The following PEX7 variants were observed in gnomAD, a reference collection of about 807,000 sequenced individuals.
PEX7 encodes PTS2 receptor.
Under a neutral mutation model 47.5 loss-of-function variants are expected in PEX7, and 34 were observed. The observed-to-expected ratio is 0.72, with a 90% CI of 0.54 to 0.95. The LOEUF is 0.95. Ranked by LOEUF, PEX7 falls within the 40% of genes least tolerant of loss-of-function variation. PEX7 has a pLI of 0.00. For synonymous variants in PEX7, 141 were observed against 148.8 expected (o/e 0.95, Z 0.38); for missense variants, 394 against 400.3 (o/e 0.98, Z 0.13).
chr6:136,831,723 C>T (rs1406378025), intron 3 of PEX7, among the ~76,000 whole-genome samples: 1 of 152,270 alleles, frequency 6.6e-6, no homozygotes, highest in Admixed American at 6.5e-5. Flanking sequence ...AAAGGGGCCA[C>T]AGGCCCCATG....
rs747201722 is a variant in PEX7 at position 136,825,290 on chromosome 6, T to C, written c.188+19T>C. 5 of 1,586,812 alleles carry C rather than the reference T, an allele frequency of 3.2e-6. No individual in the cohort carries two copies. The highest frequency in any genetic ancestry group is 1.1e-5 in the South Asian group (1 of 90,564). On this transcript the variant is annotated intron_variant, in intron 2 of 9. Coordinates refer to ENST00000318471, the MANE Select transcript of PEX7 (RefSeq NM_000288.4). ...TTAGAAGGTAAGGGGGCTGAAATTATTAAAGGTATATATTGTTGCTATTAA... is the reference window on the plus strand; with the variant it reads ...TTAGAAGGTAAGGGGGCTGAAATTACTAAAGGTATATATTGTTGCTATTAA...
intron 8 of PEX7, among the ~76,000 whole-genome samples, chr6:136,891,030 T>G (rs1450165010): frequency 1.3e-5 from 2 of 152,258 alleles, no homozygotes; most frequent in African/African-American, 2.4e-5. Flanking sequence ...ATTCTTTGAT[T>G]TGTACCAGTA....
chr6:136,824,380 T>G (rs889760357), intron 1 of PEX7, among the ~76,000 whole-genome samples: 2 of 152,084 alleles, frequency 1.3e-5, no homozygotes, highest in South Asian at 2.1e-4. Flanking sequence ...TTTGATTTTT[T>G]ATTTTTGTAG....
At chr6:136,825,838 A>T (rs1282864397) in intron 2 of PEX7, among the ~76,000 whole-genome samples, 2 of 151,914 alleles carry the variant, frequency 1.3e-5, no homozygotes, top group African/African-American at 2.4e-5. Context: ...CAGCCTAAAA[A>T]TTTTTTTAAT....
At chr6:136,866,062 A>G (rs1015667151) in intron 5 of PEX7, among the ~76,000 whole-genome samples, 7 of 151,410 alleles carry the variant, frequency 4.6e-5, no homozygotes, top group African/African-American at 1.7e-4. Flanking sequence ...CAGCCTGGCG[A>G]CAGAGTGAGA....
At chr6:136,827,721 C>T (rs577846799) in intron 3 of PEX7, among the ~76,000 whole-genome samples, 18 of 151,664 alleles carry the variant, frequency 1.2e-4, no homozygotes, top group African/African-American at 2.7e-4. Context: ...TTAGTAGAGA[C>T]GGGTTTCACC....
At position 136,822,793 on chromosome 6, in the gene PEX7, C is replaced by T. The variant is rs780369944; in HGVS notation, c.128C>T (p.Ala43Val). 1.0e-4 allele frequency: 133 copies of T among 1,316,912 alleles called. No individual in the cohort carries two copies. The African/African-American group carries it at 1.4e-3, about 14-fold the overall frequency. 81.6% of individuals were successfully genotyped at this position (1,316,912 alleles called of 1,614,324 possible). Residue 43 changes from alanine to valine, a missense_variant and splice_region_variant, in exon 1 of 10, where the codon GCG becomes GTG. By Grantham distance (64) the Ala-to-Val change is moderately conservative (BLOSUM62 0). Transcript: ENST00000318471. ...ACATAQHYGIAGCGTLLILDP... is the reference protein window; with the variant it reads ...ACATAQHYGIVGCGTLLILDP... ...GCCACCGCGCAGCACTACGGCATCG[C>T]GGGTGAGGCGGCGCCGCGCAGCTGG...
intron 3 of PEX7, chr6:136,830,179 T>C: frequency 1.6e-6 from 1 of 617,294 alleles, no homozygotes; most frequent in Non-Finnish European, 2.9e-6. Flanking sequence ...ATATTTTTCC[T>C]AAACTTGAGT....
chr6:136,825,015 T>G lies in PEX7; in HGVS notation c.131-199T>G, dbSNP rs571319557. Among the ~76,000 whole-genome samples the G allele has an allele frequency of 5.3e-5, 8 of 152,264 alleles. No individual in the cohort carries two copies. In the South Asian group the frequency reaches 1.5e-3, roughly 28 times the overall value. On this transcript the variant is annotated intron_variant, in intron 1 of 9. Transcript: ENST00000318471. Reference sequence around the variant, plus strand: ...GAAGTACAATATGGAAAAACAGAAATAGAGAACACATTTGGTATTCATGTC... The same window carrying G: ...GAAGTACAATATGGAAAAACAGAAAGAGAGAACACATTTGGTATTCATGTC...
At chr6:136,902,674 T>A (rs1414360742) in intron 9 of PEX7, among the ~76,000 whole-genome samples, 7 of 152,186 alleles carry the variant, frequency 4.6e-5, no homozygotes, top group African/African-American at 1.7e-4. Context: ...TTTTTCTTTT[T>A]GTAGACTTGT....
intron 3 of PEX7, among the ~76,000 whole-genome samples, chr6:136,839,740 G>A (rs1317539970): frequency 6.6e-6 from 1 of 152,288 alleles, no homozygotes; most frequent in East Asian, 1.9e-4. Context: ...ATTCAGATTT[G>A]TTTCTCTTTT....
At chr6:136,866,450 AT>A (rs1354391536) in intron 5 of PEX7, among the ~76,000 whole-genome samples, 176 bp from the exon 6 acceptor site, 1 of 152,160 alleles carries the variant, frequency 6.6e-6, no homozygotes, top group Non-Finnish European at 1.5e-5. Context: ...CACTTTTTGT[AT>A]TCCTTCATTT....
At position 136,853,808 on chromosome 6, in the gene PEX7, A is replaced by G. The variant is rs932490974; in HGVS notation, c.526+7627A>G. Among the ~76,000 whole-genome samples the G allele has an allele frequency of 3.3e-5, 5 of 152,330 alleles. No homozygotes were observed. The South Asian group carries it at 8.3e-4, about 25-fold the overall frequency. Reference sequence around the variant, plus strand: ...CTATGTATAGAGGCATAGTTAATTTAAGAAAAAATATTTTTGTTCTCTGAT... The same window carrying G: ...CTATGTATAGAGGCATAGTTAATTTGAGAAAAAATATTTTTGTTCTCTGAT... On this transcript the variant is annotated intron_variant, in intron 5 of 9. Transcript: ENST00000318471.
At chr6:136,822,952 C>T (rs993446282) in intron 1 of PEX7, 157 bp downstream of exon 1, 3 of 985,480 alleles carry the variant, frequency 3.0e-6, no homozygotes, top group Non-Finnish European at 3.6e-6. Context: ...GGCGCTTCTC[C>T]TTTCTTTGCC....
chr6:136,854,988 T>C (rs562233646), intron 5 of PEX7, among the ~76,000 whole-genome samples: 1 of 151,888 alleles, frequency 6.6e-6, no homozygotes, highest in South Asian at 2.1e-4. Flanking sequence ...CTTGGGAGGC[T>C]GAGGCAGGAG....
rs117803911 is a variant in PEX7, at chr6:136,900,468, C to G, written c.903+2227C>G. Reference sequence around the variant, plus strand: ...ACTTGGGACCAAGGACATTGCCCCCCCAGTGACAGCAGATCTCATCGTGTC... The same window carrying G: ...ACTTGGGACCAAGGACATTGCCCCCGCAGTGACAGCAGATCTCATCGTGTC... On this transcript the variant is annotated intron_variant, in intron 9 of 9. Transcript: ENST00000318471. This position sits in a 1 kb window ranked among gnomAD's most constrained non-coding sequence, Gnocchi z 4.2. The G allele has an allele frequency of 1.5e-5, 7 of 461,724 alleles. No homozygotes were observed. In the Admixed American group the frequency reaches 1.6e-4, roughly 10 times the overall value. The allele number at this position is 461,724 out of a possible 1,614,324, so 28.6% of individuals were successfully genotyped here. A position where few individuals can be genotyped will look rare whatever the true frequency, so the allele number is the denominator to read the frequency against.
At chr6:136,863,086 T>A (rs1162924882) in intron 5 of PEX7, among the ~76,000 whole-genome samples, 1 of 152,208 alleles carries the variant, frequency 6.6e-6, no homozygotes, top group Non-Finnish European at 1.5e-5. Flanking sequence ...TTGGAGTTAT[T>A]TGAAGCTCTA....
At chr6:136,841,535 T>C (rs560668441) in intron 3 of PEX7, among the ~76,000 whole-genome samples, 6 of 152,314 alleles carry the variant, frequency 3.9e-5, no homozygotes, top group Admixed American at 3.3e-4. Context: ...AGCACGAAGC[T>C]GAATTTCCAT....
chr6:136,897,536 T>A (rs1775672706), intron 8 of PEX7, among the ~76,000 whole-genome samples: 1 of 152,204 alleles, frequency 6.6e-6, no homozygotes, highest in South Asian at 2.1e-4. Context: ...TCTGTTTTTC[T>A]TGATTCTAGG....
Sources: gnomAD v4.1 joint callset for allele counts (sites outside exome capture counted in the v4.1 genomes callset) on GRCh38, gnomAD v4.1.1 for gene constraint, Gnocchi (gnomAD v3.1) non-coding constraint, MANE v1.5 for transcripts, NCBI Gene and HGNC (gene_info 2026-07-23, HGNC 2026-07-21) for gene names.